Variants in FBLIM1 observed in about 807,000 individuals in gnomAD.
FBLIM1 encodes filamin binding LIM protein 1.
A neutral mutation model predicts 37.4 loss-of-function variants in FBLIM1; 29 were observed. The observed-to-expected ratio is 0.77, with a 90% CI of 0.58 to 1.06. The LOEUF (loss-of-function observed/expected upper bound fraction) is 1.06, where lower values mean the gene tolerates loss of function less well. Among genes scored for constraint, FBLIM1 ranks in the 50% least tolerant of loss-of-function variants. FBLIM1 has a pLI of 0.00. For missense variants in FBLIM1, 449 were observed against 505.6 expected, an observed-to-expected ratio of 0.89 and a Z score of 1.07; for synonymous variants, 193 against 199.0, an observed-to-expected ratio of 0.97 and a Z score of 0.25.
Position 15,759,650 on chromosome 1 carries a change from C to A in FBLIM1, c.-211+802C>A, listed in dbSNP as rs1295018642. Among the ~76,000 whole-genome samples the A allele has an allele frequency of 2.0e-5, 3 of 152,310 alleles. No individual in the cohort carries two copies. In the South Asian group the frequency reaches 6.2e-4, roughly 32 times the overall value. ...AGGGCCTAGACCCTGAGTCTTCTTT[C>A]CTTATATATCCTCTCAGCCGCCCTA... On this transcript the variant is annotated intron_variant, in intron 1 of 8. Coordinates refer to ENST00000375766, the MANE Select transcript of FBLIM1 (RefSeq NM_017556.4).
At position 15,774,773 on chromosome 1, in the gene FBLIM1, G is replaced by A. The variant is rs778969694; in HGVS notation, c.867G>A (p.Val289=). 4.3e-6 allele frequency: 7 copies of A among 1,614,172 alleles called. No homozygotes were observed. The highest frequency in any genetic ancestry group is 4.5e-5 in the East Asian group (2 of 44,878). The change falls in exon 7 of 9, where the codon GTG becomes GTA. Residue 289 remains valine (V), a synonymous_variant. Transcript: ENST00000375766. The stretch of plus-strand genomic sequence containing the variant: ...TTGCCCTGGGCAGCCAGAACGAGGT[G>A]TACTGCCTGGACGACTTCTACAGGT... The part of the protein sequence containing the change: ...ESFALGSQNE[V]YCLDDFYRKF...
intron 8 of FBLIM1, among the ~76,000 whole-genome samples, chr1:15,782,503 C>T (rs1371271137): frequency 6.6e-6 from 1 of 151,820 alleles, no homozygotes; most frequent in Non-Finnish European, 1.5e-5. Flanking sequence ...AGGTTTCAGC[C>T]ACCGCACAGC....
upstream of FBLIM1, among the ~76,000 whole-genome samples, chr1:15,757,777 T>C (rs942100356): frequency 2.0e-5 from 3 of 152,110 alleles, no homozygotes; most frequent in Non-Finnish European, 4.4e-5. The surrounding 1 kb of genome is among the most constrained non-coding windows in gnomAD (Gnocchi z 4.1). Flanking sequence ...AGACCCAGAT[T>C]CCTTTCCCCA....
chr1:15,771,522 A>T (rs1017078836), intron 6 of FBLIM1, among the ~76,000 whole-genome samples: 1 of 152,056 alleles, frequency 6.6e-6, no homozygotes, highest in Non-Finnish European at 1.5e-5. Context: ...CTGGGATTAC[A>T]GGTGTGAGCC....
chr1:15,783,917 C>T (rs1202564392), intron 8 of FBLIM1, among the ~76,000 whole-genome samples: 5 of 152,168 alleles, frequency 3.3e-5, no homozygotes, highest in East Asian at 1.9e-4. Flanking sequence ...TGAAGCCGGG[C>T]GCACTGGCTC....
chr1:15,763,027 C>T (rs1262382843), intron 1 of FBLIM1, among the ~76,000 whole-genome samples: 2 of 151,742 alleles, frequency 1.3e-5, no homozygotes, highest in Non-Finnish European at 2.9e-5. Context: ...CTGAGGCTGC[C>T]GCAGTTGGAC....
At position 15,767,433 on chromosome 1, in the gene FBLIM1, TCCTC is replaced by T; in HGVS notation, c.311_314del (p.Leu104HisfsTer29). The T allele has an allele frequency of 7.2e-7, 1 of 1,397,266 alleles. No homozygotes were observed. Among genetic ancestry groups the T allele is most frequent in the Non-Finnish European group, 9.6e-7 (1 of 1,037,978 alleles). The allele number at this position is 1,397,266 out of a possible 1,614,324, so 86.6% of individuals were successfully genotyped here. ...GAGGACGTGCTTCCTGACCTGGACC[TCCTC>T]CCACCCCCTCCACCGCCCCCTCCAG... On this transcript the variant is annotated frameshift_variant, in exon 4 of 9. Transcript: ENST00000375766. LOFTEE classifies it high-confidence loss of function.
rs1569736971 is a variant in FBLIM1 at position 15,764,638 on chromosome 1, G to A, written c.-68G>A. On this transcript the variant is annotated 5_prime_UTR_variant, in exon 2 of 9. Transcript: ENST00000375766. ...AGCCCTGCTGGGGCTGGGAGCTGAAGCATCTGTTCCTTCCTCGCGGGTGTG... is the reference window on the plus strand; with the variant it reads ...AGCCCTGCTGGGGCTGGGAGCTGAAACATCTGTTCCTTCCTCGCGGGTGTG... 4 of 253,536 alleles carry A rather than the reference G, an allele frequency of 1.6e-5. No individual in the cohort carries two copies. Among genetic ancestry groups the A allele is most frequent in the Middle Eastern group, 1.2e-3 (1 of 804 alleles). The allele number at this position is 253,536 out of a possible 1,614,324, so 15.7% of individuals were successfully genotyped here.
At chr1:15,761,650 A>G (rs1055261776) in intron 1 of FBLIM1, among the ~76,000 whole-genome samples, 1 of 152,224 alleles carries the variant, frequency 6.6e-6, no homozygotes, top group Non-Finnish European at 1.5e-5. Context: ...CCAAACCCAG[A>G]AGCAAAAGAC....
At position 15,768,584 on chromosome 1, in the gene FBLIM1, G is replaced by A. The variant is rs778866886; in HGVS notation, c.495G>A (p.Glu165=). The change falls in exon 5 of 9, where the codon GAG becomes GAA. Residue 165 remains glutamate (E), a synonymous_variant. Coordinates refer to ENST00000375766, the MANE Select transcript of FBLIM1 (RefSeq NM_017556.4). Reference sequence around the variant, plus strand: ...GTCCCCTCAGGCCCATGGAGGAAGAGCTGCCACCTCCCCCGGCAGAACCTG... The same window carrying A: ...GTCCCCTCAGGCCCATGGAGGAAGAACTGCCACCTCCCCCGGCAGAACCTG... ...QPGPLRPMEE[E]LPPPPAEPVE... The A allele has an allele frequency of 6.2e-7, 1 of 1,612,216 alleles. No individual in the cohort carries two copies. The highest frequency in any genetic ancestry group is 1.1e-5 in the South Asian group (1 of 90,738).
intron 5 of FBLIM1, among the ~76,000 whole-genome samples, chr1:15,769,713 T>C (rs1370471479): frequency 6.6e-6 from 1 of 151,942 alleles, no homozygotes; most frequent in African/African-American, 2.4e-5. Context: ...CTTGGCTCAT[T>C]GCAACCTCCA....
chr1:15,767,880 TTTTG>T (rs996228062), intron 4 of FBLIM1, among the ~76,000 whole-genome samples: 1 of 151,846 alleles, frequency 6.6e-6, no homozygotes, highest in Non-Finnish European at 1.5e-5. Flanking sequence ...AAACCTGGAT[TTTTG>T]TTTGTTTGTT....
At chr1:15,777,720 G>A (rs1216726819) in intron 8 of FBLIM1, among the ~76,000 whole-genome samples, 6 of 151,762 alleles carry the variant, frequency 4.0e-5, no homozygotes, top group South Asian at 2.1e-4. Flanking sequence ...TTACAGGCGC[G>A]CACCACCACA....
Position 15,765,248 on chromosome 1 carries a change from G to A in FBLIM1, c.250+15G>A. The A allele has an allele frequency of 1.3e-6, 2 of 1,594,476 alleles. No homozygotes were observed. Among genetic ancestry groups the A allele is most frequent in the Non-Finnish European group, 8.6e-7 (1 of 1,166,754 alleles). On this transcript the variant is annotated intron_variant, in intron 3 of 8. Coordinates refer to ENST00000375766, the MANE Select transcript of FBLIM1 (RefSeq NM_017556.4). This position sits in a 1 kb window ranked among gnomAD's most constrained non-coding sequence, Gnocchi z 5.9. ...CTTCAATGGAGGTAAGAGCTGAGGG[G>A]ACTTTGGGGAAGACCACGTCAGAGG...
chr1:15,784,526 G>T (rs1185834899), intron 8 of FBLIM1, 22 bp from the exon 9 acceptor site: 3 of 1,605,430 alleles, frequency 1.9e-6, no homozygotes, highest in Non-Finnish European at 2.6e-6. Context: ...GGGCGGGTCA[G>T]CATGTGTCTT....
chr1:15,775,859 T>G (rs769368297), intron 7 of FBLIM1, among the ~76,000 whole-genome samples: 15 of 152,092 alleles, frequency 9.9e-5, no homozygotes, highest in Non-Finnish European at 1.9e-4. Context: ...CTATGCAGCT[T>G]TTCTTCCTCC....
intron 8 of FBLIM1, among the ~76,000 whole-genome samples, chr1:15,783,569 CTTTTTTTTTT>C (rs58141962): frequency 2.5e-5 from 2 of 81,258 alleles, no homozygotes; most frequent in Non-Finnish European, 4.6e-5. Flanking sequence ...AACTTACGTT[CTTTTTTTTTT>C]TTTTTTTTTT....
In FBLIM1 at chr1:15,774,709, C is replaced by T. The variant is rs149873980; in HGVS notation, c.803C>T (p.Thr268Met). 74 of 1,614,028 alleles carry T rather than the reference C, an allele frequency of 4.6e-5. No homozygotes were observed. In the East Asian group the frequency reaches 7.1e-4, roughly 16 times the overall value. Residue 268 changes from threonine to methionine, a missense_variant, in exon 7 of 9, where the codon ACG (threonine) becomes ATG (methionine). Physicochemically the swap from Thr to Met is moderately conservative, Grantham distance 81 (BLOSUM62 -1). Transcript: ENST00000375766. ...LGQAFHPSCF[T>M]CVTCARCIGD... is the part of the protein sequence containing the mutation. ...CAGGCCTTCCACCCCTCCTGCTTCA[C>T]GTGTGTGACCTGCGCCCGGTGCATT... is the stretch of plus-strand genomic sequence containing the variant.
intron 7 of FBLIM1, chr1:15,775,127 G>C (rs1048795508): frequency 2.4e-6 from 1 of 423,562 alleles, no homozygotes; most frequent in Non-Finnish European, 4.3e-6. Context: ...GGCTGAGGCA[G>C]GAGAATGGCG....
Sources: allele counts gnomAD v4.1 joint callset (sites outside exome capture counted in the v4.1 genomes callset), GRCh38; gene constraint gnomAD v4.1.1; non-coding constraint Gnocchi (gnomAD v3.1); transcripts MANE v1.5; gene names NCBI Gene and HGNC (gene_info 2026-07-23, HGNC 2026-07-21).